LANCL3: variants seen among roughly 807,000 people sequenced by gnomAD.
LANCL3 encodes the protein LanC like family member 3, also known as lanC-like protein 3.
LANCL3 carries 19 observed loss-of-function variants against 26.5 expected under a neutral mutation model. The observed-to-expected ratio is 0.72, with a 90% CI of 0.50 to 1.05. LANCL3 has a LOEUF of 1.05. Ranked by LOEUF, LANCL3 falls within the 50% of genes least tolerant of loss-of-function variation. The pLI, the probability that LANCL3 is intolerant of heterozygous loss-of-function variation, is 0.00. For synonymous variants in LANCL3, 160 were observed against 166.6 expected, an observed-to-expected ratio of 0.96 and a Z score of 0.30; for missense variants, 318 against 362.7, an observed-to-expected ratio of 0.88 and a Z score of 1.00.
At position 37,588,876 on chromosome X, in the gene LANCL3, T is replaced by G. The variant is rs782560116; in HGVS notation, c.573+16433T>G. 6.4e-4 allele frequency among the ~76,000 whole-genome samples: 72 copies of G among 112,213 alleles called. 1 individual carries two copies. The highest frequency in any genetic ancestry group is 2.2e-3 in the African/African-American group (69 of 30,892). ...GGCATTATGCGCAGTTAGCTGTTAC[T>G]GTGCCCATCTGCTGGCTCCATTGCT... On this transcript the variant is annotated intron_variant, in intron 1 of 4. Coordinates refer to ENST00000378619, the MANE Select transcript of LANCL3 (RefSeq NM_001170331.2).
At position 37,682,531 on chromosome X, in the gene LANCL3, G is replaced by T. The variant is rs988370889; in HGVS notation, c.*6718G>T. On this transcript the variant is annotated 3_prime_UTR_variant, in exon 5 of 5. Transcript: ENST00000378619. ...CTTTTTGCAACTTGGTTTTAGTGGG[G>T]TCTCTGACGTTGTCCCCACAAGTTT... 1 of 111,622 alleles carries T rather than the reference G, an allele frequency of 9.0e-6. No homozygotes were observed. The highest frequency in any genetic ancestry group is 9.5e-5 in the Admixed American group (1 of 10,519). The allele number at this position is 111,622 out of a possible 1,213,427, so 9.2% of individuals were successfully genotyped here. A position where few individuals can be genotyped will look rare whatever the true frequency, so the allele number is the denominator to read the frequency against.
chrX:37,618,407 C>T (rs927993181), intron 1 of LANCL3, among the ~76,000 whole-genome samples: 6 of 111,878 alleles, frequency 5.4e-5, no homozygotes, highest in African/African-American at 2.0e-4. Context: ...ACTTCCTGCC[C>T]TTACAACCCT....
intron 1 of LANCL3, among the ~76,000 whole-genome samples, chrX:37,577,751 T>C (rs782282934): frequency 6.3e-5 from 7 of 111,908 alleles, no homozygotes; most frequent in African/African-American, 2.3e-4. Flanking sequence ...ATTCTGAATA[T>C]CAGATAGAAA....
chrX:37,626,421 T>C, intron 1 of LANCL3, among the ~76,000 whole-genome samples: 1 of 112,324 alleles, frequency 8.9e-6, no homozygotes, highest in Non-Finnish European at 1.9e-5. Context: ...GTCACCAATA[T>C]GACAGCTCCC....
At chrX:37,613,738 A>T (rs1289963894) in intron 1 of LANCL3, among the ~76,000 whole-genome samples, 1 of 112,324 alleles carries the variant, frequency 8.9e-6, no homozygotes, top group Non-Finnish European at 1.9e-5. Context: ...TGTAATATTC[A>T]TTGCATTTAC....
At chrX:37,584,790 A>C (rs1490683816) in intron 1 of LANCL3, among the ~76,000 whole-genome samples, 1 of 110,711 alleles carries the variant, frequency 9.0e-6, no homozygotes, top group African/African-American at 3.3e-5. Context: ...TTGTTTCTCT[A>C]TCTCCTTCAG....
intron 3 of LANCL3, among the ~76,000 whole-genome samples, chrX:37,665,553 A>C (rs782223774): frequency 8.9e-6 from 1 of 112,237 alleles, no homozygotes; most frequent in South Asian, 3.7e-4. Flanking sequence ...CAGCAGCATC[A>C]TGAAATATAT....
intron 1 of LANCL3, among the ~76,000 whole-genome samples, chrX:37,591,731 G>T (rs375287473): frequency 2.1e-5 from 1 of 46,570 alleles, no homozygotes; most frequent in South Asian, 6.7e-4. Flanking sequence ...AGCTGGTGGT[G>T]GGGGGGGTAT....
At chrX:37,595,636 C>A (rs1249525503) in intron 1 of LANCL3, among the ~76,000 whole-genome samples, 1 of 112,459 alleles carries the variant, frequency 8.9e-6, no homozygotes, top group Non-Finnish European at 1.9e-5. Context: ...TGATTGTAAA[C>A]ATCTTTTAGG....
chrX:37,621,573 CT>C (rs1244898155), intron 1 of LANCL3, among the ~76,000 whole-genome samples: 1 of 112,665 alleles, frequency 8.9e-6, no homozygotes, highest in African/African-American at 3.2e-5. Context: ...TATTTGGTTA[CT>C]TTTTTCTATT....
chrX:37,674,357 A>C (rs1926748436), intron 4 of LANCL3, among the ~76,000 whole-genome samples: 1 of 112,119 alleles, frequency 8.9e-6, no homozygotes, highest in South Asian at 3.6e-4. Flanking sequence ...AAATGCTAGC[A>C]GTTACTAAAT....
At chrX:37,582,135 G>C (rs1431279398) in intron 1 of LANCL3, among the ~76,000 whole-genome samples, 9 of 112,074 alleles carry the variant, frequency 8.0e-5, no homozygotes, top group Non-Finnish European at 1.3e-4. Flanking sequence ...TGGCTGCATA[G>C]TATTCCATGG....
chrX:37,583,098 G>C (rs190477801), intron 1 of LANCL3, among the ~76,000 whole-genome samples: 1,997 of 111,537 alleles, frequency 0.018, 39 homozygotes, highest in African/African-American at 0.062. Flanking sequence ...TCTTGTTTTT[G>C]TCAGGTTTGT....
chrX:37,614,261 TA>T (rs782134896), intron 1 of LANCL3, among the ~76,000 whole-genome samples: 3 of 111,120 alleles, frequency 2.7e-5, no homozygotes, highest in Non-Finnish European at 3.8e-5. Context: ...TTGGGGAACG[TA>T]AAAAAAATAC....
intron 1 of LANCL3, among the ~76,000 whole-genome samples, chrX:37,646,339 T>C (rs967222629): frequency 1.8e-5 from 2 of 112,006 alleles, no homozygotes; most frequent in Non-Finnish European, 3.8e-5. Context: ...ACTGTAAGAG[T>C]GCTCATGATG....
intron 1 of LANCL3, among the ~76,000 whole-genome samples, chrX:37,644,311 T>C (rs2146769334): frequency 1.8e-5 from 2 of 112,097 alleles, no homozygotes; most frequent in South Asian, 3.8e-4. Flanking sequence ...TGGGAAGCTG[T>C]GTTTTAGCAG....
At chrX:37,668,151 A>T (rs1257630747) in intron 4 of LANCL3, among the ~76,000 whole-genome samples, 1 of 108,188 alleles carries the variant, frequency 9.2e-6, no homozygotes, top group Non-Finnish European at 1.9e-5. Flanking sequence ...TATTTCTAAT[A>T]TTGTGTACTA....
At chrX:37,582,387 A>C (rs1192584437) in intron 1 of LANCL3, among the ~76,000 whole-genome samples, 2 of 111,891 alleles carry the variant, frequency 1.8e-5, no homozygotes, top group Non-Finnish European at 3.8e-5. Flanking sequence ...GAACTTGTTT[A>C]CAGTCCCACC....
At chrX:37,612,665 A>G (rs1924906867) in intron 1 of LANCL3, among the ~76,000 whole-genome samples, 1 of 112,256 alleles carries the variant, frequency 8.9e-6, no homozygotes, top group Non-Finnish European at 1.9e-5. Flanking sequence ...ACAGCCAGGC[A>G]GATGGTAAGT....
Sources: allele counts gnomAD v4.1 joint callset (sites outside exome capture counted in the v4.1 genomes callset), GRCh38; gene constraint gnomAD v4.1.1; transcripts MANE v1.5; gene names NCBI Gene and HGNC (gene_info 2026-07-23, HGNC 2026-07-21).